PPP1R13B: variants seen among roughly 807,000 people sequenced by gnomAD.
The protein encoded by PPP1R13B is protein phosphatase 1 regulatory subunit 13B, also known as apoptosis-stimulating of p53 protein 1.
Under a neutral mutation model 119.8 loss-of-function variants are expected in PPP1R13B, and 44 were observed. That is an observed-to-expected ratio of 0.37 (90% CI 0.29 to 0.47). The LOEUF (loss-of-function observed/expected upper bound fraction) is 0.47. PPP1R13B is among the 20% of genes least tolerant of loss of function. The probability of loss-of-function intolerance (pLI) is 0.99; values close to 1 mark genes in which losing one functional copy is unlikely to be tolerated. For missense variants in PPP1R13B, 1,227 were observed against 1,413.5 expected, an observed-to-expected ratio of 0.87 and a Z score of 2.12; for synonymous variants, 542 against 561.5, an observed-to-expected ratio of 0.97 and a Z score of 0.49.
rs566275314 is a variant in PPP1R13B, at chr14:103,815,843, G to T, written c.10-18325C>A. Among the ~76,000 whole-genome samples, 5 of 152,118 alleles carry T rather than the reference G, an allele frequency of 3.3e-5. No homozygotes were observed. The South Asian group carries it at 1.0e-3, about 32-fold the overall frequency. On this transcript the variant is annotated intron_variant, in intron 1 of 16. Transcript: ENST00000202556. ...TCATGCCTGTAATCCCAGCACTTTG[G>T]GAGGCCGAGGCGGGCAGATCACAAG...
chr14:103,735,248 G>C (rs2084069363), intron 16 of PPP1R13B, 53 bp from the exon 17 acceptor site: 3 of 1,598,486 alleles, frequency 1.9e-6, no homozygotes, highest in Non-Finnish European at 2.6e-6. Flanking sequence ...AGGGAGCAGG[G>C]CCAGCCAGAC....
intron 5 of PPP1R13B, among the ~76,000 whole-genome samples, chr14:103,757,197 C>G (rs961624072): frequency 6.6e-6 from 1 of 151,954 alleles, no homozygotes; most frequent in African/African-American, 2.4e-5. Context: ...GTAGCTGGGA[C>G]CACAGCCACA....
At chr14:103,807,838 G>A (rs1478986702) in intron 1 of PPP1R13B, among the ~76,000 whole-genome samples, 4 of 152,046 alleles carry the variant, frequency 2.6e-5, no homozygotes, top group Non-Finnish European at 5.9e-5. Context: ...ATGACAGGTA[G>A]GTGTTTGCCT....
intron 4 of PPP1R13B, among the ~76,000 whole-genome samples, chr14:103,771,345 G>A (rs568867669): frequency 6.6e-5 from 10 of 152,200 alleles, no homozygotes; most frequent in African/African-American, 2.4e-4. Context: ...AGCAATCAAG[G>A]AGCCAGGACT....
intron 9 of PPP1R13B, among the ~76,000 whole-genome samples, chr14:103,745,683 G>C (rs903160929): frequency 1.3e-5 from 2 of 152,220 alleles, no homozygotes; most frequent in African/African-American, 2.4e-5. Context: ...TGTTTGTAGG[G>C]GCAGCCCCTC....
intron 3 of PPP1R13B, 44 bp downstream of exon 3, chr14:103,784,751 T>C: frequency 1.9e-6 from 3 of 1,544,604 alleles, no homozygotes; most frequent in South Asian, 2.4e-5. Context: ...TAAATTAACT[T>C]TCCTAGCAAA....
chr14:103,755,138 A>T (rs1326284564), intron 5 of PPP1R13B, among the ~76,000 whole-genome samples: 1 of 151,834 alleles, frequency 6.6e-6, no homozygotes, highest in Non-Finnish European at 1.5e-5. Flanking sequence ...TCTGCAGAAA[A>T]CCTTCCAGCA....
chr14:103,810,605 T>C (rs573222483), intron 1 of PPP1R13B, among the ~76,000 whole-genome samples: 1 of 151,168 alleles, frequency 6.6e-6, no homozygotes, highest in Non-Finnish European at 1.5e-5. Context: ...AACTCGTCTC[T>C]ACTAAAAATA....
intron 1 of PPP1R13B, among the ~76,000 whole-genome samples, chr14:103,839,291 C>T (rs1238267568): frequency 6.6e-6 from 1 of 151,834 alleles, no homozygotes; most frequent in African/African-American, 2.4e-5. Context: ...GGATTACAGG[C>T]GTGAGCCACA....
intron 3 of PPP1R13B, among the ~76,000 whole-genome samples, chr14:103,780,064 G>C (rs923962276): frequency 3.9e-5 from 6 of 152,060 alleles, no homozygotes; most frequent in African/African-American, 1.4e-4. Flanking sequence ...CAGGAGAATT[G>C]CTTGAACCCG....
chr14:103,736,600 G>C (rs1384781012), intron 15 of PPP1R13B: 2 of 179,940 alleles, frequency 1.1e-5, no homozygotes, highest in African/African-American at 4.7e-5. Flanking sequence ...TGACTGAGCA[G>C]CTACTTGTGG....
intron 1 of PPP1R13B, among the ~76,000 whole-genome samples, chr14:103,830,321 C>G (rs1203898725): frequency 1.3e-5 from 2 of 152,028 alleles, no homozygotes; most frequent in Non-Finnish European, 2.9e-5. Context: ...GCCTCAAACT[C>G]CTGACCTCAG....
Position 103,784,855 on chromosome 14 carries a change from TC to T in PPP1R13B, c.216del (p.Arg73GlyfsTer4). ...CGAAGGAAAAATTTCACTTCTTCCC[TC>T]CGTGGACCCCATTTCTGAAGATGTT... ...MYEHLQKWGP[R>X]REEVKFFLRH... On this transcript the variant is annotated frameshift_variant, in exon 3 of 17. Transcript: ENST00000202556. LOFTEE classifies it high-confidence loss of function. 6.2e-7 allele frequency: 1 copy of T among 1,607,770 alleles called. No homozygotes were observed. Among genetic ancestry groups the T allele is most frequent in the Non-Finnish European group, 8.5e-7 (1 of 1,175,374 alleles).
chr14:103,819,504 AAAAC>A (rs896582552), intron 1 of PPP1R13B, among the ~76,000 whole-genome samples: 2 of 149,322 alleles, frequency 1.3e-5, no homozygotes, highest in Admixed American at 6.9e-5. Context: ...TCTATTAAAA[AAAAC>A]AAACAAACAA....
intron 1 of PPP1R13B, among the ~76,000 whole-genome samples, chr14:103,802,933 TC>T (rs1040096294): frequency 1.3e-5 from 2 of 152,224 alleles, no homozygotes; most frequent in Non-Finnish European, 2.9e-5. Flanking sequence ...AAATTCATTT[TC>T]CCTAATCTCT....
chr14:103,748,958 C>G (rs1380827730), intron 8 of PPP1R13B, among the ~76,000 whole-genome samples: 1 of 152,154 alleles, frequency 6.6e-6, no homozygotes, highest in Non-Finnish European at 1.5e-5. Flanking sequence ...AGTTCTGTAC[C>G]TTTGTGTCTT....
At chr14:103,803,380 ACAC>A (rs1342414468) in intron 1 of PPP1R13B, among the ~76,000 whole-genome samples, 15 of 152,332 alleles carry the variant, frequency 9.8e-5, no homozygotes, top group African/African-American at 3.4e-4. Flanking sequence ...GCGGTGGCTC[ACAC>A]CTGTAATCCC....
Position 103,739,225 on chromosome 14 carries a change from C to T in PPP1R13B, c.2593-202G>A, listed in dbSNP as rs773225769. The stretch of plus-strand genomic sequence containing the variant: ...ACTCTGCTCACTACAAGGGAGAGCC[C>T]TGTCTGAGGCCTGAGTCCCTGGCTC... On this transcript the variant is annotated intron_variant, in intron 12 of 16. Transcript: ENST00000202556. 111 of 617,724 alleles carry T rather than the reference C, an allele frequency of 1.8e-4. 1 individual carries two copies. The highest frequency in any genetic ancestry group is 8.8e-4 in the Middle Eastern group (2 of 2,280). 38.3% of individuals were successfully genotyped at this position (617,724 alleles called of 1,614,324 possible).
At position 103,847,498 on chromosome 14, in the gene PPP1R13B, C is replaced by A. The variant is rs1430324447; in HGVS notation, c.-191G>T. On this transcript the variant is annotated 5_prime_UTR_variant, in exon 1 of 17. Coordinates refer to ENST00000202556, the MANE Select transcript of PPP1R13B (RefSeq NM_015316.3). Reference sequence around the variant, plus strand: ...CCCTGTCGCGGCCGCCGGCGCGCTGCGTCGCTGTCCCGGGCACCCGGCCGC... The same window carrying A: ...CCCTGTCGCGGCCGCCGGCGCGCTGAGTCGCTGTCCCGGGCACCCGGCCGC... The A allele has an allele frequency of 1.0e-6, 1 of 984,718 alleles. No homozygotes were observed. The highest frequency in any genetic ancestry group is 1.2e-6 in the Non-Finnish European group (1 of 830,530). The allele number at this position is 984,718 out of a possible 1,614,324, so 61.0% of individuals were successfully genotyped here.
Sources: gnomAD v4.1 joint callset for allele counts (sites outside exome capture counted in the v4.1 genomes callset) on GRCh38, gnomAD v4.1.1 for gene constraint, MANE v1.5 for transcripts, NCBI Gene and HGNC (gene_info 2026-07-23, HGNC 2026-07-21) for gene names.